The following AUTS2 variants were observed in gnomAD, a reference collection of about 807,000 sequenced individuals.
The protein encoded by AUTS2 is autism susceptibility gene 2 protein.
Under a neutral mutation model 112.4 loss-of-function variants are expected in AUTS2, and 17 were observed. That is an observed-to-expected ratio of 0.15 (90% CI 0.10 to 0.23). The LOEUF (loss-of-function observed/expected upper bound fraction) is 0.23. Among genes scored for constraint, AUTS2 ranks in the 10% least tolerant of loss-of-function variants. AUTS2 has a pLI of 1.00. For missense variants in AUTS2, 1,510 were observed against 1,701.6 expected (o/e 0.89, Z 1.98); for synonymous variants, 751 against 702.7 (o/e 1.07, Z -1.09).
At chr7:69,657,359 A>G (rs931393860) in intron 1 of AUTS2, among the ~76,000 whole-genome samples, 2 of 152,174 alleles carry the variant, frequency 1.3e-5, no homozygotes, top group Non-Finnish European at 2.9e-5. Flanking sequence ...TTGACCTTTC[A>G]CTTAGGGGAA....
In AUTS2 at chr7:70,640,125, T is replaced by C. The variant is rs189234498; in HGVS notation, c.691-58444T>C. Among the ~76,000 whole-genome samples, 293 of 152,072 alleles carry C rather than the reference T, an allele frequency of 1.9e-3. 5 individuals are homozygous for C. The highest frequency in any genetic ancestry group is 6.3e-3 in the South Asian group (30 of 4,772). ...TTTAATCCTATGGGATGCATTTTGG[T>C]GGGCTAGGGGAGCATTGTGGTCTCT... On this transcript the variant is annotated intron_variant, in intron 5 of 18. Coordinates refer to ENST00000342771, the MANE Select transcript of AUTS2 (RefSeq NM_015570.4).
rs1210503121 is a variant in AUTS2 at position 70,785,607 on chromosome 7, C to CTCCTT, written c.2225-345_2225-341dup. The CTCCTT allele has an allele frequency of 9.2e-6, 4 of 435,880 alleles. No homozygotes were observed. In the East Asian group the frequency reaches 2.6e-4, roughly 28 times the overall value. The allele number at this position is 435,880 out of a possible 1,614,324, so 27.0% of individuals were successfully genotyped here. On this transcript the variant is annotated intron_variant, in intron 16 of 18. Transcript: ENST00000342771. ...GTTTCATCATGGATTCAGATGCCAC[C>CTCCTT]TCCTTTCTGTTCTGTTAGAATCTGC...
chr7:70,743,859 T>C (rs1788272370), intron 6 of AUTS2, among the ~76,000 whole-genome samples: 1 of 152,160 alleles, frequency 6.6e-6, no homozygotes, highest in Non-Finnish European at 1.5e-5. Context: ...CCATTGGCCA[T>C]GGTCACTTTG....
chr7:70,784,685 T>C, intron 15 of AUTS2: 1 of 513,720 alleles, frequency 1.9e-6, no homozygotes, highest in East Asian at 3.4e-5. Context: ...TACCTGTTTT[T>C]GGTGGTGGCC....
intron 2 of AUTS2, among the ~76,000 whole-genome samples, chr7:69,919,996 T>G (rs1795744442): frequency 6.6e-6 from 1 of 151,574 alleles, no homozygotes; most frequent in Admixed American, 6.6e-5. Flanking sequence ...TGAAGTGGTC[T>G]TATGTATACA....
intron 5 of AUTS2, among the ~76,000 whole-genome samples, chr7:70,448,242 A>G (rs1165725115): frequency 6.6e-6 from 1 of 152,166 alleles, no homozygotes; most frequent in Non-Finnish European, 1.5e-5. Context: ...CCTCCTGGAC[A>G]GAATGGACAA....
intron 4 of AUTS2, among the ~76,000 whole-genome samples, chr7:70,332,478 G>C (rs746110927): frequency 3.3e-5 from 5 of 152,150 alleles, no homozygotes; most frequent in African/African-American, 1.2e-4. Context: ...ATTTCATATG[G>C]AACCAAAAAA....
intron 1 of AUTS2, among the ~76,000 whole-genome samples, chr7:69,857,164 C>G (rs560136165): frequency 6.6e-6 from 1 of 152,288 alleles, no homozygotes; most frequent in Admixed American, 6.5e-5. Context: ...TTCACACATA[C>G]ACTTAGAGGG....
At chr7:70,121,271 T>A (rs1805668676) in intron 3 of AUTS2, among the ~76,000 whole-genome samples, 1 of 152,126 alleles carries the variant, frequency 6.6e-6, no homozygotes, top group African/African-American at 2.4e-5. Flanking sequence ...AGGTAAATCT[T>A]CATGACCTTC....
intron 5 of AUTS2, among the ~76,000 whole-genome samples, chr7:70,515,125 G>C (rs1799363618): frequency 6.6e-6 from 1 of 152,096 alleles, no homozygotes; most frequent in African/African-American, 2.4e-5. Context: ...ATAGCATATA[G>C]AGTCATGCAG....
intron 5 of AUTS2, among the ~76,000 whole-genome samples, chr7:70,529,687 A>G (rs769279499): frequency 1.3e-5 from 2 of 152,178 alleles, no homozygotes; most frequent in African/African-American, 2.4e-5. Flanking sequence ...CAGAAAGAAC[A>G]TGCTGCCAGC....
intron 2 of AUTS2, among the ~76,000 whole-genome samples, chr7:69,934,507 C>T (rs760764317): frequency 3.3e-5 from 5 of 152,120 alleles, no homozygotes; most frequent in African/African-American, 4.8e-5. Context: ...CAGTTGAAAG[C>T]CCTTGACACT....
intron 4 of AUTS2, among the ~76,000 whole-genome samples, chr7:70,144,098 A>G (rs1344910043): frequency 6.6e-6 from 1 of 151,944 alleles, no homozygotes; most frequent in African/African-American, 2.4e-5. Context: ...TATTTCTCTT[A>G]CTGCTCCTCA....
At chr7:70,703,796 C>T (rs915302462) in intron 6 of AUTS2, among the ~76,000 whole-genome samples, 2 of 152,134 alleles carry the variant, frequency 1.3e-5, no homozygotes, top group Non-Finnish European at 2.9e-5. Context: ...GAACATCACT[C>T]ATTTATTTTT....
intron 6 of AUTS2, among the ~76,000 whole-genome samples, chr7:70,725,545 AT>A (rs1287374683): frequency 6.6e-6 from 1 of 152,222 alleles, no homozygotes; most frequent in Non-Finnish European, 1.5e-5. Flanking sequence ...AGGATTTTCC[AT>A]TTAACAAACT....
At chr7:70,031,068 A>C (rs1158529334) in intron 2 of AUTS2, among the ~76,000 whole-genome samples, 1 of 152,174 alleles carries the variant, frequency 6.6e-6, no homozygotes, top group Non-Finnish European at 1.5e-5. Context: ...GAGGACTGTA[A>C]GGGAAAAGAG....
intron 4 of AUTS2, among the ~76,000 whole-genome samples, chr7:70,204,989 T>C (rs1304826149): frequency 6.6e-6 from 1 of 152,202 alleles, no homozygotes; most frequent in Non-Finnish European, 1.5e-5. Context: ...TCCATCACTT[T>C]GGTTTACCAC....
chr7:70,168,619 C>T (rs1334938112), intron 4 of AUTS2, among the ~76,000 whole-genome samples: 1 of 152,090 alleles, frequency 6.6e-6, no homozygotes, highest in East Asian at 1.9e-4. Flanking sequence ...ACCTGGCCTG[C>T]TCTGCTTTTA....
chr7:70,592,215 C>T (rs60212936), intron 5 of AUTS2, among the ~76,000 whole-genome samples: 1 of 152,070 alleles, frequency 6.6e-6, no homozygotes, highest in Non-Finnish European at 1.5e-5. Flanking sequence ...AATCTTCTTT[C>T]TTCTCTTAAC....
Sources: allele counts gnomAD v4.1 joint callset (sites outside exome capture counted in the v4.1 genomes callset), GRCh38; gene constraint gnomAD v4.1.1; transcripts MANE v1.5; gene names NCBI Gene and HGNC (gene_info 2026-07-23, HGNC 2026-07-21).